PCSK5: variants seen among roughly 807,000 people sequenced by gnomAD.
PCSK5 encodes the protein proprotein convertase subtilisin/kexin type 5.
Under a neutral mutation model 233.2 loss-of-function variants are expected in PCSK5, and 129 were observed. That is an observed-to-expected ratio of 0.55 (90% CI 0.48 to 0.64). The LOEUF (loss-of-function observed/expected upper bound fraction) is 0.64, where lower values mean the gene tolerates loss of function less well. Among genes scored for constraint, PCSK5 ranks in the 30% least tolerant of loss-of-function variants. PCSK5 has a pLI of 0.00. For synonymous variants in PCSK5, 825 were observed against 879.2 expected, an observed-to-expected ratio of 0.94 and a Z score of 1.09; for missense variants, 2,076 against 2,430.1, an observed-to-expected ratio of 0.85 and a Z score of 3.06.
chr9:75,895,994 C>T (rs1825785515), intron 1 of PCSK5, among the ~76,000 whole-genome samples: 1 of 152,100 alleles, frequency 6.6e-6, no homozygotes, highest in East Asian at 1.9e-4. Flanking sequence ...GTGGATTGTG[C>T]TTGCCTAATA....
intron 24 of PCSK5, among the ~76,000 whole-genome samples, chr9:76,288,800 A>G (rs1218717743): frequency 6.6e-6 from 1 of 152,164 alleles, no homozygotes; most frequent in African/African-American, 2.4e-5. Context: ...GTTTATGTAA[A>G]CCATAAAAAT....
At chr9:76,030,924 G>T (rs931902634) in intron 5 of PCSK5, among the ~76,000 whole-genome samples, 1 of 152,098 alleles carries the variant, frequency 6.6e-6, no homozygotes, top group African/African-American at 2.4e-5. Context: ...GTGCAGTGGG[G>T]GATTGATTGT....
chr9:76,196,213 C>T (rs1003460676), intron 20 of PCSK5, among the ~76,000 whole-genome samples: 2 of 152,226 alleles, frequency 1.3e-5, no homozygotes, highest in African/African-American at 4.8e-5. Context: ...ACAGGGCCCA[C>T]CTGGTCCCAT....
At chr9:76,345,286 G>A (rs1829947575) in intron 35 of PCSK5, among the ~76,000 whole-genome samples, 1 of 151,490 alleles carries the variant, frequency 6.6e-6, no homozygotes, top group South Asian at 2.1e-4. Flanking sequence ...AGGCTAAAGT[G>A]CAGTGATGCA....
At chr9:75,950,138 T>TG (rs1185258162) in intron 2 of PCSK5, among the ~76,000 whole-genome samples, 4 of 21,006 alleles carry the variant, frequency 1.9e-4, no homozygotes, top group African/African-American at 6.2e-4. Flanking sequence ...CACTTGTGTG[T>TG]GTGTGTGGGG....
Position 76,296,756 on chromosome 9 carries a change from C to T in PCSK5, c.3414C>T (p.Cys1138=). 1.9e-6 allele frequency: 3 copies of T among 1,611,786 alleles called. No individual in the cohort carries two copies. The highest frequency in any genetic ancestry group is 2.5e-6 in the Non-Finnish European group (3 of 1,178,970). Residue 1138 remains cysteine (C), a synonymous_variant, in exon 27 of 38, where the codon TGC becomes TGT. Transcript: ENST00000674117. ...CCTGCCACCGAGCATGCGAAACCTGCACAGGCCCTGGTCATGACGAGTGCA... is the reference window on the plus strand; with the variant it reads ...CCTGCCACCGAGCATGCGAAACCTGTACAGGCCCTGGTCATGACGAGTGCA... ...CESCHRACET[C]TGPGHDECSS...
At chr9:75,932,228 C>T in intron 1 of PCSK5, 151 bp from the exon 2 acceptor site, 1 of 600,096 alleles carries the variant, frequency 1.7e-6, no homozygotes, top group Non-Finnish European at 3.0e-6. Flanking sequence ...CACCAAGGTT[C>T]AGGTAACATT....
At chr9:76,186,621 G>A (rs1824116181) in intron 17 of PCSK5, among the ~76,000 whole-genome samples, 1 of 152,156 alleles carries the variant, frequency 6.6e-6, no homozygotes, top group Non-Finnish European at 1.5e-5. Context: ...TCTGTTACAC[G>A]TCCCCCTTAC....
chr9:76,167,870 T>C (rs58769781), intron 12 of PCSK5, among the ~76,000 whole-genome samples: 2,205 of 152,280 alleles, frequency 0.014, 49 homozygotes, highest in African/African-American at 0.05. Flanking sequence ...TTTGTCCCCA[T>C]TGAAGGAGAG....
intron 1 of PCSK5, among the ~76,000 whole-genome samples, chr9:75,899,792 G>A (rs1044095381): frequency 5.3e-5 from 8 of 152,182 alleles, no homozygotes; most frequent in African/African-American, 1.7e-4. Flanking sequence ...AGCATGAAGA[G>A]AGGGGCACTG....
At chr9:75,938,310 G>A (rs920999511) in intron 2 of PCSK5, among the ~76,000 whole-genome samples, 25 of 152,274 alleles carry the variant, frequency 1.6e-4, no homozygotes, top group African/African-American at 5.8e-4. Context: ...GAGGGAGAGA[G>A]ATGGTGAACA....
At chr9:76,110,009 T>A (rs1832144417) in intron 9 of PCSK5, among the ~76,000 whole-genome samples, 1 of 152,188 alleles carries the variant, frequency 6.6e-6, no homozygotes, top group Non-Finnish European at 1.5e-5. Context: ...CTTGTATATG[T>A]GCCTCACTCA....
intron 12 of PCSK5, among the ~76,000 whole-genome samples, chr9:76,165,248 C>A (rs1482852799): frequency 6.6e-6 from 1 of 152,080 alleles, no homozygotes; most frequent in African/African-American, 2.4e-5. Flanking sequence ...GAATATTAGC[C>A]TGATGTCTAG....
intron 20 of PCSK5, chr9:76,193,176 T>C: frequency 2.8e-6 from 4 of 1,447,064 alleles, no homozygotes; most frequent in Non-Finnish European, 3.8e-6. Context: ...TTCTTCCATG[T>C]GTGTACATCA....
intron 10 of PCSK5, among the ~76,000 whole-genome samples, chr9:76,148,886 GC>G (rs1301941638): frequency 9.2e-5 from 14 of 152,172 alleles, no homozygotes; most frequent in African/African-American, 3.4e-4. Flanking sequence ...TTGATCGTTG[GC>G]CCTCATTGCC....
chr9:76,249,478 A>G (rs1221684272), intron 24 of PCSK5, among the ~76,000 whole-genome samples: 2 of 152,226 alleles, frequency 1.3e-5, no homozygotes, highest in East Asian at 3.8e-4. Flanking sequence ...TTTTATTTTT[A>G]TTTTGAGACA....
At chr9:76,001,863 T>C (rs1044040760) in intron 3 of PCSK5, among the ~76,000 whole-genome samples, 5 of 152,208 alleles carry the variant, frequency 3.3e-5, no homozygotes, top group Non-Finnish European at 7.3e-5. Context: ...TGATTCATTC[T>C]GGACAAGTGA....
chr9:76,184,607 C>T (rs923874877), intron 16 of PCSK5, 66 bp from the exon 17 acceptor site: 2 of 1,019,728 alleles, frequency 2.0e-6, no homozygotes, highest in African/African-American at 1.6e-5. Context: ...AGCATTAGAA[C>T]ATCTCTGATG....
At chr9:76,058,678 A>G (rs901347090) in intron 5 of PCSK5, among the ~76,000 whole-genome samples, 6 of 152,200 alleles carry the variant, frequency 3.9e-5, no homozygotes. Context: ...TACATGGGGA[A>G]AAAAATTGAC....
Sources: gnomAD v4.1 joint callset for allele counts (sites outside exome capture counted in the v4.1 genomes callset) on GRCh38, gnomAD v4.1.1 for gene constraint, MANE v1.5 for transcripts, NCBI Gene and HGNC (gene_info 2026-07-23, HGNC 2026-07-21) for gene names.